The following BBS9 variants were observed in gnomAD, a reference collection of about 807,000 sequenced individuals.
BBS9 encodes protein PTHB1.
A neutral mutation model predicts 117.7 loss-of-function variants in BBS9; 89 were observed. The observed-to-expected ratio is 0.76, with a 90% CI of 0.64 to 0.90. BBS9 has a LOEUF of 0.90. Ranked by LOEUF, BBS9 falls within the 40% of genes least tolerant of loss-of-function variation. The probability of loss-of-function intolerance (pLI) is 0.00; values close to 1 mark genes in which losing one functional copy is unlikely to be tolerated. For synonymous variants in BBS9, 379 were observed against 370.9 expected (o/e 1.02, Z -0.25); for missense variants, 982 against 1,042.2 (o/e 0.94, Z 0.80).
chr7:33,358,031 A>T (rs1819957965), intron 16 of BBS9, 36 bp downstream of exon 16: 1 of 1,597,220 alleles, frequency 6.3e-7, no homozygotes, highest in Non-Finnish European at 8.6e-7. Context: ...GCAGCATCAA[A>T]AATGCTAAGA....
chr7:33,133,059 G>A (rs1789875212), intron 1 of BBS9, among the ~76,000 whole-genome samples: 1 of 151,958 alleles, frequency 6.6e-6, no homozygotes, highest in Admixed American at 6.6e-5. Flanking sequence ...CAAAGTGCTG[G>A]GATTACAGGT....
chr7:33,132,890 C>T (rs1339490233), intron 1 of BBS9, among the ~76,000 whole-genome samples: 2 of 152,026 alleles, frequency 1.3e-5, no homozygotes, highest in Non-Finnish European at 2.9e-5. Context: ...ATTTTGCTGA[C>T]CTTCTGAATT....
intron 9 of BBS9, among the ~76,000 whole-genome samples, chr7:33,305,401 G>A (rs1807673093): frequency 6.6e-6 from 1 of 151,986 alleles, no homozygotes; most frequent in South Asian, 2.1e-4. Flanking sequence ...TGTTGGTTTG[G>A]GTATCAGATT....
chr7:33,532,443 G>A (rs570341156), intron 20 of BBS9, among the ~76,000 whole-genome samples: 1 of 152,320 alleles, frequency 6.6e-6, no homozygotes, highest in Admixed American at 6.5e-5. Context: ...TCACAGTTCT[G>A]CATGGCTGGG....
intron 19 of BBS9, among the ~76,000 whole-genome samples, chr7:33,409,070 G>T (rs1168614789): frequency 1.3e-5 from 2 of 151,906 alleles, no homozygotes; most frequent in Non-Finnish European, 2.9e-5. Flanking sequence ...TTTGCTTGTT[G>T]ATTCGTTTAC....
chr7:33,273,709 C>A, intron 8 of BBS9, 118 bp from the exon 9 acceptor site: 1 of 897,772 alleles, frequency 1.1e-6, no homozygotes. Context: ...TATGTAAAAT[C>A]TTTATGTATT....
In BBS9 at chr7:33,351,347, A is replaced by T. The variant is rs561227158; in HGVS notation, c.1537+24A>T. 27 of 1,494,740 alleles carry T rather than the reference A, an allele frequency of 1.8e-5. 1 individual carries two copies. The highest frequency in any genetic ancestry group is 1.7e-4 in the African/African-American group (12 of 72,538). 92.6% of individuals were successfully genotyped at this position (1,494,740 alleles called of 1,614,324 possible). A position where few individuals can be genotyped will look rare whatever the true frequency, so the allele number is the denominator to read the frequency against. ...AGGTAAACATACAGGCTTAATCATT[A>T]CTTTAAGTTGTTGGAGTTATGAGTA... On this transcript the variant is annotated intron_variant, in intron 14 of 22. Coordinates refer to ENST00000242067, the MANE Select transcript of BBS9 (RefSeq NM_198428.3).
At chr7:33,586,908 C>A (rs1860993428) in intron 21 of BBS9, among the ~76,000 whole-genome samples, 1 of 152,018 alleles carries the variant, frequency 6.6e-6, no homozygotes, top group South Asian at 2.1e-4. Context: ...TCAGGGAGGG[C>A]AGGAGTGAAG....
intron 1 of BBS9, among the ~76,000 whole-genome samples, chr7:33,141,616 A>G (rs1791476113): frequency 6.6e-6 from 1 of 152,130 alleles, no homozygotes; most frequent in South Asian, 2.1e-4. Flanking sequence ...CCAGCCCACC[A>G]TTAAATTGAT....
intron 9 of BBS9, among the ~76,000 whole-genome samples, chr7:33,325,670 G>A (rs926312053): frequency 6.6e-6 from 1 of 152,118 alleles, no homozygotes; most frequent in Non-Finnish European, 1.5e-5. Context: ...TTACAATCTA[G>A]ATTTTGGGTC....
chr7:33,211,128 C>T (rs1787933334), intron 5 of BBS9, among the ~76,000 whole-genome samples: 1 of 152,096 alleles, frequency 6.6e-6, no homozygotes, highest in Non-Finnish European at 1.5e-5. Flanking sequence ...TGCATTCAGC[C>T]ACTCTGTGTT....
intron 6 of BBS9, among the ~76,000 whole-genome samples, chr7:33,261,590 G>A (rs1797992210): frequency 6.6e-6 from 1 of 152,168 alleles, no homozygotes; most frequent in Non-Finnish European, 1.5e-5. Context: ...ACTCACTGAG[G>A]TGACAGTTCT....
chr7:33,200,653 T>C (rs1231288262), intron 5 of BBS9, among the ~76,000 whole-genome samples: 5 of 152,172 alleles, frequency 3.3e-5, no homozygotes, highest in Non-Finnish European at 7.4e-5. Flanking sequence ...TGTCAGTTTT[T>C]TTCTAGTTCC....
chr7:33,144,970 C>A (rs1792102207), intron 1 of BBS9, among the ~76,000 whole-genome samples: 1 of 152,178 alleles, frequency 6.6e-6, no homozygotes, highest in African/African-American at 2.4e-5. Context: ...AGCCTGAGTT[C>A]TAGTGCTGGT....
At chr7:33,533,578 A>C (rs148922381) in intron 20 of BBS9, 1 of 237,802 alleles carries the variant, frequency 4.2e-6, no homozygotes, top group African/African-American at 2.2e-5. Context: ...AAAACAAACT[A>C]TAATCCTAGC....
intron 19 of BBS9, among the ~76,000 whole-genome samples, chr7:33,464,767 C>T (rs541384930): frequency 1.2e-4 from 18 of 151,842 alleles, no homozygotes; most frequent in African/African-American, 4.4e-4. Context: ...TATTACATAA[C>T]TATTATTATA....
At chr7:33,532,712 T>C (rs1294980248) in intron 20 of BBS9, among the ~76,000 whole-genome samples, 3 of 152,276 alleles carry the variant, frequency 2.0e-5, no homozygotes, top group East Asian at 1.9e-4. Flanking sequence ...CATATCATAG[T>C]TGAAGCTTGG....
chr7:33,519,359 T>C (rs991086289), intron 20 of BBS9, among the ~76,000 whole-genome samples: 4 of 152,224 alleles, frequency 2.6e-5, no homozygotes, highest in African/African-American at 7.2e-5. Context: ...GTCTTGATAA[T>C]AGGAGTAGCT....
chr7:33,298,273 T>C (rs1693876266), intron 9 of BBS9, among the ~76,000 whole-genome samples: 2 of 152,158 alleles, frequency 1.3e-5, no homozygotes, highest in Admixed American at 1.3e-4. Context: ...ACTTACTCAT[T>C]AGCTCTGAGA....
Sources: gnomAD v4.1 joint callset for allele counts (sites outside exome capture counted in the v4.1 genomes callset) on GRCh38, gnomAD v4.1.1 for gene constraint, MANE v1.5 for transcripts, NCBI Gene and HGNC (gene_info 2026-07-23, HGNC 2026-07-21) for gene names.